Variants in WDR70 observed in about 807,000 individuals in gnomAD.
WDR70 encodes the protein WD repeat domain 70, also known as WD repeat-containing protein 70.
A neutral mutation model predicts 88.6 loss-of-function variants in WDR70; 53 were observed. That is an observed-to-expected ratio of 0.60 (90% CI 0.48 to 0.75). The LOEUF is 0.75. Among genes scored for constraint, WDR70 ranks in the 30% least tolerant of loss-of-function variants. The pLI is 0.00. For missense variants in WDR70, 610 were observed against 823.2 expected (o/e 0.74, Z 3.17); for synonymous variants, 280 against 270.0 (o/e 1.04, Z -0.36).
intron 9 of WDR70, among the ~76,000 whole-genome samples, chr5:37,582,242 G>A (rs1743240532): frequency 6.6e-6 from 1 of 151,984 alleles, no homozygotes; most frequent in Non-Finnish European, 1.5e-5. Flanking sequence ...GCTGTCCATT[G>A]CATTTAGACT....
intron 5 of WDR70, 72 bp from the exon 6 acceptor site, chr5:37,437,850 G>A (rs1055545515): frequency 7.2e-7 from 1 of 1,388,934 alleles, no homozygotes; most frequent in South Asian, 1.4e-5. Flanking sequence ...TGTATTTCCT[G>A]TGAAATGTGT....
At chr5:37,576,433 G>A (rs1372549531) in intron 9 of WDR70, among the ~76,000 whole-genome samples, 1 of 151,982 alleles carries the variant, frequency 6.6e-6, no homozygotes, top group Admixed American at 6.6e-5. Context: ...TCCATTGTAT[G>A]TAATTTGGGA....
At chr5:37,699,396 T>TACAC (rs1181980288) in intron 11 of WDR70, among the ~76,000 whole-genome samples, 1 of 20,062 alleles carries the variant, frequency 5.0e-5, no homozygotes, top group South Asian at 3.9e-3. Context: ...TGTGTGTATA[T>TACAC]ATATATACAC....
At chr5:37,699,817 G>A (rs929684588) in intron 11 of WDR70, among the ~76,000 whole-genome samples, 1 of 151,682 alleles carries the variant, frequency 6.6e-6, no homozygotes, top group African/African-American at 2.4e-5. Flanking sequence ...ATGTAGTGGC[G>A]CATGTCTGTA....
chr5:37,379,358 G>A lies in WDR70; in HGVS notation c.-10G>A. On this transcript the variant is annotated 5_prime_UTR_variant, in exon 1 of 18. Coordinates refer to ENST00000265107, the MANE Select transcript of WDR70 (RefSeq NM_018034.4). ...GTCCCTGTGGCTGGTTCTGGGGTGT[G>A]CGGCCAGCCATGGAGCGCTCTGGGC... The A allele has an allele frequency of 6.2e-7, 1 of 1,613,600 alleles. No individual in the cohort carries two copies. The highest frequency in any genetic ancestry group is 1.1e-5 in the South Asian group (1 of 91,068).
chr5:37,677,859 G>C (rs926702826), intron 10 of WDR70, among the ~76,000 whole-genome samples: 1 of 152,120 alleles, frequency 6.6e-6, no homozygotes, highest in Non-Finnish European at 1.5e-5. Flanking sequence ...ATTATTGTGT[G>C]GGAGTCTAAA....
chr5:37,675,233 T>C (rs1172272125), intron 10 of WDR70, among the ~76,000 whole-genome samples: 1 of 152,122 alleles, frequency 6.6e-6, no homozygotes, highest in East Asian at 1.9e-4. Context: ...AGCTCTTTAG[T>C]TTAATTAGAT....
intron 8 of WDR70, among the ~76,000 whole-genome samples, chr5:37,488,502 C>CTTTTTTTTTTTTTTTTTT: frequency 7.3e-6 from 1 of 137,530 alleles, no homozygotes; most frequent in South Asian, 2.2e-4. Context: ...TTGTTCTTTA[C>CTTTTTTTTTTTTTTTTTT]TTTTTTTTTT....
intron 7 of WDR70, among the ~76,000 whole-genome samples, chr5:37,472,483 C>T (rs867068069): frequency 2.0e-5 from 3 of 151,924 alleles, no homozygotes; most frequent in Non-Finnish European, 2.9e-5. Context: ...ATATATACAA[C>T]GTGTAAAGTG....
intron 9 of WDR70, among the ~76,000 whole-genome samples, chr5:37,567,152 T>C (rs1355316468): frequency 6.6e-6 from 1 of 152,176 alleles, no homozygotes; most frequent in African/African-American, 2.4e-5. Context: ...TGCTGGATAT[T>C]GATAAAAGAT....
intron 12 of WDR70, among the ~76,000 whole-genome samples, chr5:37,701,439 T>C (rs1490879478): frequency 4.6e-5 from 7 of 152,152 alleles, no homozygotes; most frequent in Non-Finnish European, 8.8e-5. Flanking sequence ...CAGTTGTTCT[T>C]TTAATATTGT....
chr5:37,539,152 C>G (rs1160625120), intron 9 of WDR70, among the ~76,000 whole-genome samples: 1 of 152,178 alleles, frequency 6.6e-6, no homozygotes, highest in East Asian at 1.9e-4. Context: ...CCATATCCAG[C>G]TAATTGTCAT....
chr5:37,673,593 C>T (rs904798006), intron 10 of WDR70, among the ~76,000 whole-genome samples: 1 of 119,046 alleles, frequency 8.4e-6, no homozygotes, highest in Admixed American at 9.6e-5. Context: ...ACCCCCCCCC[C>T]ACCCTTTTTT....
At chr5:37,639,792 A>C (rs1307848800) in intron 10 of WDR70, among the ~76,000 whole-genome samples, 1 of 152,182 alleles carries the variant, frequency 6.6e-6, no homozygotes, top group Non-Finnish European at 1.5e-5. Context: ...ATAATATGGC[A>C]ACTGTTTCTC....
chr5:37,534,468 C>T (rs1049185210), intron 9 of WDR70, among the ~76,000 whole-genome samples: 2 of 147,676 alleles, frequency 1.4e-5, no homozygotes, highest in Non-Finnish European at 3.0e-5. Flanking sequence ...AAATGCATAT[C>T]AGTTTTTCCC....
intron 7 of WDR70, among the ~76,000 whole-genome samples, chr5:37,446,742 GA>G (rs1738493016): frequency 6.6e-6 from 1 of 152,170 alleles, no homozygotes; most frequent in Admixed American, 6.5e-5. Flanking sequence ...GCCATATGTA[GA>G]AAGCTGAAAC....
intron 8 of WDR70, chr5:37,505,670 C>T (rs1356294205): frequency 1.2e-5 from 10 of 825,582 alleles, no homozygotes; most frequent in Non-Finnish European, 1.7e-5. Flanking sequence ...GTACATCTTC[C>T]TCTAGCCCCT....
rs191994784 is a variant in WDR70, at chr5:37,382,084, T to C, written c.175+399T>C. Among the ~76,000 whole-genome samples, 20 of 150,498 alleles carry C rather than the reference T, an allele frequency of 1.3e-4. 1 individual carries two copies. The East Asian group carries it at 3.3e-3, about 25-fold the overall frequency. Reference sequence around the variant, plus strand: ...ACAAAGAGAGAAAAGAATGTTGTTATGCTACTTATCACTGTTGTTTTTTTT... The same window carrying C: ...ACAAAGAGAGAAAAGAATGTTGTTACGCTACTTATCACTGTTGTTTTTTTT... On this transcript the variant is annotated intron_variant, in intron 3 of 17. Transcript: ENST00000265107.
chr5:37,659,615 G>A (rs1745648908), intron 10 of WDR70, among the ~76,000 whole-genome samples: 1 of 152,160 alleles, frequency 6.6e-6, no homozygotes, highest in Non-Finnish European at 1.5e-5. Context: ...GTAGATAACA[G>A]ATATTTATTT....
Sources: gnomAD v4.1 joint callset for allele counts (sites outside exome capture counted in the v4.1 genomes callset) on GRCh38, gnomAD v4.1.1 for gene constraint, MANE v1.5 for transcripts, NCBI Gene and HGNC (gene_info 2026-07-23, HGNC 2026-07-21) for gene names.